Variants in KALRN observed in about 807,000 individuals in gnomAD.
The protein encoded by KALRN is kalirin RhoGEF kinase.
KALRN carries 70 observed loss-of-function variants against 353.7 expected under a neutral mutation model. The observed-to-expected ratio is 0.20, with a 90% CI of 0.16 to 0.24. The LOEUF (loss-of-function observed/expected upper bound fraction) is 0.24. Ranked by LOEUF, KALRN falls within the 10% of genes least tolerant of loss-of-function variation. The pLI, the probability that KALRN is intolerant of heterozygous loss-of-function variation, is 1.00. For synonymous variants in KALRN, 1,391 were observed against 1,434.8 expected, an observed-to-expected ratio of 0.97 and a Z score of 0.69; for missense variants, 2,791 against 3,756.7, an observed-to-expected ratio of 0.74 and a Z score of 6.72.
chr3:124,293,462 CTAT>C lies in KALRN; in HGVS notation c.970-5324_970-5322del, dbSNP rs200439090. 4.2e-3 allele frequency among the ~76,000 whole-genome samples: 643 copies of C among 151,990 alleles called. 5 individuals carry two copies. The highest frequency in any genetic ancestry group is 0.014 in the African/African-American group (595 of 41,440). On this transcript the variant is annotated intron_variant, in intron 5 of 59. Transcript: ENST00000682506. ...AACAATAATAACATTTTAGCTATTC[CTAT>C]TATTGAAAGGAGAAAAAGGTTTCTG...
intron 35 of KALRN, 102 bp from the exon 36 acceptor site, chr3:124,633,750 G>C: frequency 1.1e-6 from 1 of 929,174 alleles, no homozygotes; most frequent in Non-Finnish European, 1.7e-6. Flanking sequence ...AGTGAGTTGA[G>C]AGAGGAACTC....
intron 41 of KALRN, among the ~76,000 whole-genome samples, chr3:124,658,116 C>T (rs952646844): frequency 6.6e-6 from 1 of 152,158 alleles, no homozygotes; most frequent in African/African-American, 2.4e-5. Context: ...GATGGCCCCA[C>T]CCTGCACTCC....
chr3:124,428,977 T>G (rs2093155355), intron 15 of KALRN, among the ~76,000 whole-genome samples: 1 of 152,136 alleles, frequency 6.6e-6, no homozygotes, highest in Admixed American at 6.6e-5. Context: ...ATGCAGTGAA[T>G]CATGGCAGAG....
chr3:124,361,577 C>T (rs1034092887), intron 10 of KALRN, among the ~76,000 whole-genome samples: 2 of 152,132 alleles, frequency 1.3e-5, no homozygotes, highest in African/African-American at 4.8e-5. Flanking sequence ...AAACCAGGTA[C>T]AGTTATAAGT....
intron 23 of KALRN, 43 bp downstream of exon 23, chr3:124,456,771 A>G (rs184992299): frequency 1.9e-5 from 27 of 1,390,268 alleles, no homozygotes; most frequent in Non-Finnish European, 2.6e-5. Context: ...CCCCGTGACT[A>G]TGCTGGGCTT....
At chr3:124,455,102 A>G in intron 21 of KALRN, 75 bp from the exon 22 acceptor site, 2 of 1,537,404 alleles carry the variant, frequency 1.3e-6, no homozygotes, top group Non-Finnish European at 1.8e-6. Context: ...TGCTCTAAAC[A>G]GGAAGAGAGG....
At chr3:124,086,309 TTGTGTGTGTGTGTGTGTGTG>T (rs59443298) in intron 1 of KALRN, among the ~76,000 whole-genome samples, 4 of 141,764 alleles carry the variant, frequency 2.8e-5, no homozygotes, top group African/African-American at 7.8e-5. Flanking sequence ...GGTTGTTTTG[TTGTGTGTGTGTGTGTGTGTG>T]TGTGTGTGTG....
chr3:124,566,922 A>G (rs2072913615), intron 34 of KALRN, among the ~76,000 whole-genome samples: 1 of 152,218 alleles, frequency 6.6e-6, no homozygotes, highest in South Asian at 2.1e-4. Flanking sequence ...AGAGAGCACC[A>G]AGTCAGCACT....
chr3:124,182,907 A>T (rs1018288707), intron 1 of KALRN, among the ~76,000 whole-genome samples: 3 of 152,214 alleles, frequency 2.0e-5, no homozygotes, highest in Admixed American at 6.5e-5. Flanking sequence ...AACACATAAA[A>T]AGAAAAATAA....
At chr3:124,046,919 C>G (rs1320952076) in intron 1 of KALRN, among the ~76,000 whole-genome samples, 1 of 148,788 alleles carries the variant, frequency 6.7e-6, no homozygotes, top group Non-Finnish European at 1.5e-5. Context: ...TTCAAAAAAG[C>G]TACTTATTGG....
At chr3:124,098,731 A>G (rs779050807) in intron 1 of KALRN, among the ~76,000 whole-genome samples, 3 of 152,016 alleles carry the variant, frequency 2.0e-5, no homozygotes, top group Non-Finnish European at 4.4e-5. Flanking sequence ...TTCAGCCATG[A>G]TCTTCTTTTT....
intron 1 of KALRN, among the ~76,000 whole-genome samples, chr3:124,091,257 T>C (rs868144356): frequency 2.6e-5 from 4 of 152,090 alleles, no homozygotes; most frequent in Admixed American, 2.0e-4. Context: ...GTGAGGGAGA[T>C]CAGTATGTCT....
At chr3:124,314,866 G>T (rs1489832143) in intron 6 of KALRN, among the ~76,000 whole-genome samples, 2 of 152,116 alleles carry the variant, frequency 1.3e-5, no homozygotes, top group Non-Finnish European at 2.9e-5. Context: ...TGTTGCCCAG[G>T]TTGGTCTCAA....
At chr3:124,286,330 C>T (rs528505127) in intron 5 of KALRN, among the ~76,000 whole-genome samples, 4 of 150,966 alleles carry the variant, frequency 2.6e-5, no homozygotes, top group Admixed American at 6.6e-5. Context: ...CTGCAAACTC[C>T]GCCTTCTGGT....
intron 37 of KALRN, among the ~76,000 whole-genome samples, chr3:124,643,066 C>T (rs1339762185): frequency 6.6e-6 from 1 of 152,042 alleles, no homozygotes; most frequent in African/African-American, 2.4e-5. Context: ...ATCCGCCTGC[C>T]TCGGCCTCCC....
intron 13 of KALRN, among the ~76,000 whole-genome samples, chr3:124,402,368 T>G (rs528040715): frequency 1.8e-4 from 27 of 152,336 alleles, no homozygotes; most frequent in African/African-American, 6.0e-4. Flanking sequence ...AAGTGACCTA[T>G]AGTGGAACAT....
intron 1 of KALRN, among the ~76,000 whole-genome samples, chr3:124,117,644 G>T (rs1440177239): frequency 6.6e-6 from 1 of 152,072 alleles, no homozygotes; most frequent in Non-Finnish European, 1.5e-5. Flanking sequence ...TCGGGGGAGT[G>T]GGGTGGGTGG....
chr3:124,704,507 A>G (rs1398274707), intron 57 of KALRN, among the ~76,000 whole-genome samples: 1 of 152,096 alleles, frequency 6.6e-6, no homozygotes, highest in Non-Finnish European at 1.5e-5. Context: ...AATGTTGTAC[A>G]TTAACAGAAT....
intron 34 of KALRN, among the ~76,000 whole-genome samples, chr3:124,598,592 C>T (rs1161127830): frequency 1.3e-5 from 2 of 152,128 alleles, no homozygotes; most frequent in East Asian, 3.9e-4. Context: ...GTCCTTCTCT[C>T]TCTCTTCCCC....
Sources: gnomAD v4.1 joint callset for allele counts (sites outside exome capture counted in the v4.1 genomes callset) on GRCh38, gnomAD v4.1.1 for gene constraint, MANE v1.5 for transcripts, NCBI Gene and HGNC (gene_info 2026-07-23, HGNC 2026-07-21) for gene names.